Variants in SASH1 observed in about 807,000 individuals in gnomAD.
SASH1 encodes SAM and SH3 domain containing 1, also known as SAM and SH3 domain-containing protein 1.
Under a neutral mutation model 125.2 loss-of-function variants are expected in SASH1, and 44 were observed. The observed-to-expected ratio is 0.35, with a 90% CI of 0.28 to 0.45. The LOEUF (loss-of-function observed/expected upper bound fraction) is 0.45. Ranked by LOEUF, SASH1 falls within the 20% of genes least tolerant of loss-of-function variation. The pLI is 1.00. For missense variants in SASH1, 1,426 were observed against 1,614.5 expected (o/e 0.88, Z 2.00); for synonymous variants, 639 against 649.1 (o/e 0.98, Z 0.24).
the SASH1 span, among the ~76,000 whole-genome samples, chr6:148,234,328 C>CA: frequency 1.2e-4 from 17 of 146,300 alleles, no homozygotes; most frequent in Admixed American, 1.2e-3. Flanking sequence ...CTTAGCAAAG[C>CA]TTTTTTTTTT....
intron 2 of SASH1, among the ~76,000 whole-genome samples, chr6:148,397,616 CA>C (rs1234469073): frequency 6.6e-6 from 1 of 152,214 alleles, no homozygotes. Context: ...TCAGCACCTG[CA>C]AAGTTGCTTC....
chr6:148,330,596 T>C (rs1396007338), intron 1 of SASH1, among the ~76,000 whole-genome samples: 1 of 152,150 alleles, frequency 6.6e-6, no homozygotes, highest in East Asian at 1.9e-4. Flanking sequence ...ACTTTTTTAT[T>C]TTTTCTGAGA....
the SASH1 span, among the ~76,000 whole-genome samples, chr6:148,225,837 C>T: frequency 0.07 from 10,651 of 152,268 alleles, 500 homozygotes; most frequent in Non-Finnish European, 0.097. Context: ...TATTCAGAAG[C>T]TTTGTCTACA....
At chr6:148,331,465 G>T (rs1423329698) in intron 1 of SASH1, among the ~76,000 whole-genome samples, 1 of 152,082 alleles carries the variant, frequency 6.6e-6, no homozygotes, top group African/African-American at 2.4e-5. Flanking sequence ...AAGTGGCTGG[G>T]ATTACAGGTT....
At chr6:148,294,765 A>C (rs1372375335) in intron 1 of SASH1, among the ~76,000 whole-genome samples, 1 of 152,152 alleles carries the variant, frequency 6.6e-6, no homozygotes, top group East Asian at 1.9e-4. Flanking sequence ...AAATTTCTTA[A>C]AATTTTGAGT....
chr6:148,361,751 A>G (rs780382475), intron 1 of SASH1, among the ~76,000 whole-genome samples: 31 of 152,118 alleles, frequency 2.0e-4, no homozygotes, highest in Admixed American at 2.6e-4. Flanking sequence ...GGCAGCATAG[A>G]AACCGACTCA....
At chr6:148,249,380 TA>T in the SASH1 span, among the ~76,000 whole-genome samples, 1 of 151,624 alleles carries the variant, frequency 6.6e-6, no homozygotes, top group Non-Finnish European at 1.5e-5. Flanking sequence ...CGTGGGCTGA[TA>T]GGGGAGACTT....
At chr6:148,393,647 T>G (rs527491530) in intron 2 of SASH1, 1 of 927,696 alleles carries the variant, frequency 1.1e-6, no homozygotes, top group Non-Finnish European at 1.3e-6. Flanking sequence ...TAATAAAACC[T>G]CCTTCTCATT....
intron 18 of SASH1, 92 bp from the exon 19 acceptor site, chr6:148,545,923 A>G (rs902906658): frequency 6.4e-5 from 82 of 1,273,862 alleles, no homozygotes; most frequent in Non-Finnish European, 7.8e-5. Context: ...TCTAAGTGAC[A>G]GTGAGACCCT....
the SASH1 span, among the ~76,000 whole-genome samples, chr6:148,258,595 T>C: frequency 6.6e-6 from 1 of 152,132 alleles, no homozygotes; most frequent in Non-Finnish European, 1.5e-5. Flanking sequence ...CATGTAAAAA[T>C]TACTGTCTCA....
the SASH1 span, among the ~76,000 whole-genome samples, chr6:148,246,414 C>T: frequency 1.3e-5 from 2 of 152,152 alleles, no homozygotes; most frequent in South Asian, 4.1e-4. Context: ...GTAGACCTTT[C>T]TGGGTGTTGA....
chr6:148,421,523 C>T lies in SASH1; in HGVS notation c.286-18661C>T, dbSNP rs559646807. On this transcript the variant is annotated intron_variant, in intron 2 of 19. Coordinates refer to ENST00000367467, the MANE Select transcript of SASH1 (RefSeq NM_015278.5). ...TTGACCATGTTGGCCAGGCTGGTCT[C>T]GAACTCCTGACCTCAGGTGATCCAC... 4.3e-3 allele frequency among the ~76,000 whole-genome samples: 659 copies of T among 152,312 alleles called. 8 individuals carry two copies. Among genetic ancestry groups the T allele is most frequent in the Non-Finnish European group, 5.1e-3 (348 of 68,022 alleles).
At chr6:148,196,909 A>T in the SASH1 span, among the ~76,000 whole-genome samples, 2 of 151,528 alleles carry the variant, frequency 1.3e-5, no homozygotes, top group African/African-American at 4.9e-5. Context: ...CAGATGAAGG[A>T]GATGATGGTG....
upstream of SASH1, among the ~76,000 whole-genome samples, chr6:148,268,722 C>T (rs1778995903): frequency 6.6e-6 from 1 of 152,154 alleles, no homozygotes; most frequent in African/African-American, 2.4e-5. Context: ...GTTTTGAGTC[C>T]AGCCTTCATC....
At chr6:148,288,621 C>G (rs1217524314) in intron 1 of SASH1, among the ~76,000 whole-genome samples, 1 of 151,982 alleles carries the variant, frequency 6.6e-6, no homozygotes, top group Non-Finnish European at 1.5e-5. Context: ...CTATCATTTC[C>G]TACACCTCAG....
intron 2 of SASH1, among the ~76,000 whole-genome samples, chr6:148,395,288 C>T (rs768110652): frequency 8.5e-5 from 13 of 152,092 alleles, no homozygotes; most frequent in Non-Finnish European, 1.3e-4. Context: ...AATGCATTGT[C>T]CTTAAGAGCT....
chr6:148,371,648 C>T (rs1436160320), intron 1 of SASH1, among the ~76,000 whole-genome samples: 2 of 151,936 alleles, frequency 1.3e-5, no homozygotes, highest in African/African-American at 4.8e-5. Flanking sequence ...GAGGTGGGTA[C>T]AGATCTGACT....
At chr6:148,360,248 AT>A (rs1015757844) in intron 1 of SASH1, among the ~76,000 whole-genome samples, 1 of 143,572 alleles carries the variant, frequency 7.0e-6, no homozygotes, top group Non-Finnish European at 1.5e-5. Flanking sequence ...ATCGTAATTG[AT>A]TTTTTCCCAA....
At chr6:148,256,466 A>C in the SASH1 span, among the ~76,000 whole-genome samples, 1 of 152,204 alleles carries the variant, frequency 6.6e-6, no homozygotes, top group Admixed American at 6.5e-5. Flanking sequence ...ATATTCTTAA[A>C]TATCCTTAAA....
Sources: allele counts gnomAD v4.1 joint callset (sites outside exome capture counted in the v4.1 genomes callset), GRCh38; gene constraint gnomAD v4.1.1; transcripts MANE v1.5; gene names NCBI Gene and HGNC (gene_info 2026-07-23, HGNC 2026-07-21).